Variants in SOX5 observed in about 807,000 individuals in gnomAD.
SOX5 encodes SRY-box transcription factor 5.
In SOX5, 9 loss-of-function variants were observed where a neutral mutation model predicts 92.0. The ratio of observed to expected loss-of-function variants is 0.10; its 90% CI spans 0.06 to 0.17. The LOEUF is 0.17. Ranked by LOEUF, SOX5 falls within the 10% of genes least tolerant of loss-of-function variation. The probability of loss-of-function intolerance (pLI) is 1.00; values close to 1 mark genes in which losing one functional copy is unlikely to be tolerated. For synonymous variants in SOX5, 344 were observed against 336.3 expected, an observed-to-expected ratio of 1.02 and a Z score of -0.25; for missense variants, 642 against 944.5, an observed-to-expected ratio of 0.68 and a Z score of 4.20.
At chr12:24,238,950 A>G (rs911696986) in intron 3 of SOX5, among the ~76,000 whole-genome samples, 4 of 152,198 alleles carry the variant, frequency 2.6e-5, no homozygotes, top group Non-Finnish European at 4.4e-5. Flanking sequence ...CCAATTGTTC[A>G]TTACCGGGTA....
chr12:23,895,055 T>A (rs1208871662), intron 2 of SOX5, among the ~76,000 whole-genome samples: 1 of 152,072 alleles, frequency 6.6e-6, no homozygotes, highest in Non-Finnish European at 1.5e-5. Flanking sequence ...TATTTGTGTT[T>A]ATGTGTGCTG....
intron 4 of SOX5, among the ~76,000 whole-genome samples, chr12:24,140,940 T>C (rs1349609711): frequency 6.6e-6 from 1 of 152,220 alleles, no homozygotes; most frequent in Non-Finnish European, 1.5e-5. Context: ...CACATAGCTA[T>C]ATTTCTATCA....
intron 3 of SOX5, among the ~76,000 whole-genome samples, chr12:24,236,411 G>A (rs966027910): frequency 1.3e-5 from 2 of 152,086 alleles, no homozygotes; most frequent in Non-Finnish European, 2.9e-5. Flanking sequence ...CTGTAAATTT[G>A]AGAAACTGTG....
chr12:24,305,690 C>T (rs1948487267), intron 2 of SOX5, among the ~76,000 whole-genome samples: 1 of 152,088 alleles, frequency 6.6e-6, no homozygotes, highest in African/African-American at 2.4e-5. Flanking sequence ...TTCTGCCTCC[C>T]AGGTTCAAGT....
chr12:24,382,915 C>G (rs1413765662), intron 1 of SOX5, among the ~76,000 whole-genome samples: 1 of 151,944 alleles, frequency 6.6e-6, no homozygotes, highest in Non-Finnish European at 1.5e-5. Context: ...ATCAGGATAC[C>G]AGTTTTGCAT....
intron 4 of SOX5, among the ~76,000 whole-genome samples, chr12:23,995,065 G>A (rs1950910881): frequency 6.6e-6 from 1 of 152,190 alleles, no homozygotes; most frequent in Non-Finnish European, 1.5e-5. Context: ...AGTCCCTGGT[G>A]CTTCTAAGCA....
intron 11 of SOX5, among the ~76,000 whole-genome samples, chr12:23,551,515 ACACT>A (rs777312193): frequency 1.3e-5 from 2 of 151,940 alleles, no homozygotes; most frequent in Admixed American, 6.6e-5. Context: ...ACACACATAC[ACACT>A]CACACAAATA....
At chr12:23,826,883 G>C (rs1049435881) in intron 3 of SOX5, among the ~76,000 whole-genome samples, 1 of 152,170 alleles carries the variant, frequency 6.6e-6, no homozygotes, top group African/African-American at 2.4e-5. Flanking sequence ...CTAAGCAACA[G>C]AGATTTAATT....
intron 1 of SOX5, among the ~76,000 whole-genome samples, chr12:24,494,554 T>C (rs1405675538): frequency 1.3e-5 from 2 of 152,214 alleles, no homozygotes; most frequent in Non-Finnish European, 2.9e-5. Context: ...CATAAGTGAC[T>C]GAATTCCAAC....
intron 3 of SOX5, among the ~76,000 whole-genome samples, chr12:24,248,140 T>C (rs570726610): frequency 6.6e-6 from 1 of 152,284 alleles, no homozygotes; most frequent in Non-Finnish European, 1.5e-5. Flanking sequence ...GTCTCTCTAT[T>C]AAGGGAGACA....
chr12:24,440,027 G>T (rs1480608056), intron 1 of SOX5, among the ~76,000 whole-genome samples: 1 of 152,164 alleles, frequency 6.6e-6, no homozygotes, highest in Non-Finnish European at 1.5e-5. Context: ...ATCTTGGTTG[G>T]TGGCAATTTA....
chr12:23,927,369 A>AT (rs1235152355), intron 1 of SOX5, among the ~76,000 whole-genome samples: 7 of 151,576 alleles, frequency 4.6e-5, no homozygotes, highest in Non-Finnish European at 1.0e-4. Context: ...CACTATCTCT[A>AT]TTTTTCTCCA....
At chr12:24,254,487 C>T (rs535153122) in intron 3 of SOX5, among the ~76,000 whole-genome samples, 1 of 151,656 alleles carries the variant, frequency 6.6e-6, no homozygotes, top group African/African-American at 2.4e-5. Context: ...CTATATTAGC[C>T]TACAGTAGGG....
rs375641195 is a variant in SOX5, at chr12:24,158,207, G to A, written c.-2+55136C>T. ...AAGGGGGCAAGGCAGTAGAAAAGGC[G>A]GCATATCATTTTATTGCTTTATACC... On this transcript the variant is annotated intron_variant, in intron 4 of 4. Transcript: ENST00000446891. 5.3e-4 allele frequency among the ~76,000 whole-genome samples: 81 copies of A among 151,980 alleles called. No homozygotes were observed. The South Asian group carries it at 0.015, about 28-fold the overall frequency.
intron 2 of SOX5, among the ~76,000 whole-genome samples, chr12:23,865,205 AAAAG>A (rs1336879023): frequency 1.3e-5 from 2 of 152,172 alleles, no homozygotes; most frequent in Non-Finnish European, 2.9e-5. Context: ...CTACTTCACA[AAAAG>A]AGAGATTCAT....
chr12:24,137,045 G>A (rs1407358873), intron 4 of SOX5, among the ~76,000 whole-genome samples: 1 of 152,160 alleles, frequency 6.6e-6, no homozygotes, highest in African/African-American at 2.4e-5. Flanking sequence ...TGGTCTTAGA[G>A]AATAGATCTT....
At chr12:23,931,448 C>T (rs557026759) in intron 1 of SOX5, among the ~76,000 whole-genome samples, 1 of 151,800 alleles carries the variant, frequency 6.6e-6, no homozygotes, top group South Asian at 2.1e-4. Flanking sequence ...CTGTACATTA[C>T]CTCTAAAGAG....
intron 1 of SOX5, among the ~76,000 whole-genome samples, chr12:23,914,249 T>C (rs2097386366): frequency 6.6e-6 from 1 of 152,196 alleles, no homozygotes; most frequent in Non-Finnish European, 1.5e-5. Flanking sequence ...TCTAAATTTT[T>C]TTCATAGTAG....
chr12:23,542,399 T>G (rs146506828), intron 13 of SOX5, among the ~76,000 whole-genome samples: 1,986 of 152,234 alleles, frequency 0.013, 45 homozygotes, highest in African/African-American at 0.045. Flanking sequence ...ACAATGACAG[T>G]GATAATGATG....
Sources: allele counts gnomAD v4.1 joint callset (sites outside exome capture counted in the v4.1 genomes callset), GRCh38; gene constraint gnomAD v4.1.1; transcripts MANE v1.5; gene names NCBI Gene and HGNC (gene_info 2026-07-23, HGNC 2026-07-21).